The following ZFHX3 variants were observed in gnomAD, a reference collection of about 807,000 sequenced individuals.
ZFHX3 encodes zinc finger homeobox 3.
ZFHX3 carries 42 observed loss-of-function variants against 279.1 expected under a neutral mutation model. The observed-to-expected ratio is 0.15, with a 90% CI of 0.12 to 0.19. The LOEUF is 0.19. ZFHX3 is among the 10% of genes least tolerant of loss of function. ZFHX3 has a pLI of 1.00. For synonymous variants in ZFHX3, 2,293 were observed against 1,957.8 expected (o/e 1.17, Z -4.52); for missense variants, 4,981 against 4,754.0 (o/e 1.05, Z -1.40).
At chr16:72,829,564 T>C in intron 5 of ZFHX3, 1 of 517,306 alleles carries the variant, frequency 1.9e-6, no homozygotes, top group Non-Finnish European at 3.4e-6. Flanking sequence ...GCTTAACCAT[T>C]AAAAACTACA....
chr16:73,603,720 G>T (rs539718578), intron 2 of ZFHX3, among the ~76,000 whole-genome samples: 2 of 150,782 alleles, frequency 1.3e-5, no homozygotes, highest in Admixed American at 1.3e-4. Flanking sequence ...ATTATGAAAT[G>T]GAATATTTTG....
intron 5 of ZFHX3, among the ~76,000 whole-genome samples, chr16:73,147,691 C>CAAAAAAAAAA (rs56079754): frequency 9.8e-5 from 4 of 40,894 alleles, no homozygotes; most frequent in African/African-American, 4.4e-4. Flanking sequence ...GACTCCGTCT[C>CAAAAAAAAAA]AAAAAAAAAA....
At chr16:72,902,412 C>T (rs2144136818) in intron 3 of ZFHX3, among the ~76,000 whole-genome samples, 1 of 152,346 alleles carries the variant, frequency 6.6e-6, no homozygotes. Flanking sequence ...CAGCCCCCAG[C>T]TTGCGCCTGG....
Position 73,473,408 on chromosome 16 carries a change from G to A in ZFHX3, c.-1546-17150C>T, listed in dbSNP as rs145040234. ...AGCTATGTGAGCTGACTTGTGTATG[G>A]AATCATTCCATTTGAATGGGAGGGG... is the stretch of plus-strand genomic sequence containing the variant. On this transcript the variant is annotated intron_variant, in intron 2 of 17. Coordinates refer to the ZFHX3 transcript ENST00000641206. 2.8e-3 allele frequency among the ~76,000 whole-genome samples: 429 copies of A among 151,012 alleles called. 1 individual carries two copies. The highest frequency in any genetic ancestry group is 0.01 in the African/African-American group (409 of 40,898).
Position 72,800,115 on chromosome 16 carries a change from C to G in ZFHX3, c.3879G>C (p.Glu1293Asp), listed in dbSNP as rs369130025. The change falls in exon 8 of 10, where the codon GAG becomes GAC. Residue 1293 changes from glutamate to aspartate, a missense_variant. Transcript: ENST00000268489. ...GGAACATGCTGCTTGGCATCACCAT[C>G]TCAGGGGTGGTCACCTGAGGAGCAA... ...EKLIMTVTTP[E>D]MVMPSSMFLP... 3.1e-6 allele frequency: 5 copies of G among 1,614,028 alleles called. No individual in the cohort carries two copies. The African/African-American group carries it at 5.3e-5, about 17-fold the overall frequency.
chr16:73,148,281 C>T (rs1437032790), intron 5 of ZFHX3, among the ~76,000 whole-genome samples: 1 of 152,186 alleles, frequency 6.6e-6, no homozygotes, highest in Non-Finnish European at 1.5e-5. Flanking sequence ...AACACTCTTT[C>T]CTTTGTTTAA....
chr16:72,800,830 G>A (rs913304375), intron 7 of ZFHX3, among the ~76,000 whole-genome samples: 27 of 152,130 alleles, frequency 1.8e-4, no homozygotes, highest in African/African-American at 6.3e-4. Context: ...ACGTCCCAGC[G>A]ATAGAGGGTG....
intron 3 of ZFHX3, among the ~76,000 whole-genome samples, chr16:73,437,459 C>T (rs571110226): frequency 4.6e-5 from 7 of 152,046 alleles, no homozygotes; most frequent in Non-Finnish European, 5.9e-5. Context: ...GAAATTGAAG[C>T]GTATCCCTTC....
At chr16:73,306,763 C>T (rs1476881901) in intron 4 of ZFHX3, among the ~76,000 whole-genome samples, 1 of 152,214 alleles carries the variant, frequency 6.6e-6, no homozygotes, top group African/African-American at 2.4e-5. Context: ...GGCTGCTAGA[C>T]CCTCCCACAG....
chr16:73,191,288 G>T (rs551554688), intron 5 of ZFHX3, among the ~76,000 whole-genome samples: 1 of 152,068 alleles, frequency 6.6e-6, no homozygotes, highest in African/African-American at 2.4e-5. Flanking sequence ...TGTGTTGAAC[G>T]TTCCGTGGCT....
intron 1 of ZFHX3, among the ~76,000 whole-genome samples, chr16:73,758,815 G>C (rs774683094): frequency 6.6e-6 from 1 of 152,084 alleles, no homozygotes; most frequent in Non-Finnish European, 1.5e-5. Flanking sequence ...TCTCCCCCTC[G>C]CACTTTGAGT....
At chr16:73,039,469 G>A (rs955187707) in intron 1 of ZFHX3, among the ~76,000 whole-genome samples, 7 of 152,170 alleles carry the variant, frequency 4.6e-5, no homozygotes, top group African/African-American at 7.2e-5. Context: ...AACTGGAGGC[G>A]ATTTTGCCTC....
rs2035920433 is a variant in ZFHX3 at position 72,796,678 on chromosome 16, G to C, written c.6004C>G (p.Gln2002Glu). Residue 2002 changes from glutamine to glutamate, a missense_variant, in exon 9 of 10, where the codon CAA (glutamine) becomes GAA (glutamate). By Grantham distance (29) the Gln-to-Glu change is conservative. This residue lies in a region of ZFHX3 where 1,751 missense variants were observed against 1,770.0 expected (regional missense o/e 0.99). Coordinates refer to ENST00000268489, the MANE Select transcript of ZFHX3 (RefSeq NM_006885.4). Reference protein sequence around the residue: ...FSNILILKSHQEHVHQNYFPF... With the variant: ...FSNILILKSHEEHVHQNYFPF... ...AAGTAATTCTGATGAACGTGCTCTT[G>C]ATGACTCTTTAAAATCAAGATGTTG... 1 of 1,613,928 alleles carries C rather than the reference G, an allele frequency of 6.2e-7. No homozygotes were observed. Among genetic ancestry groups the C allele is most frequent in the African/African-American group, 1.3e-5 (1 of 74,870 alleles).
chr16:73,682,890 GAAAGAAAGAAAGAA>G lies in ZFHX3; in HGVS notation c.-1607-2664_-1607-2651del, dbSNP rs1567550512. 1.6e-3 allele frequency among the ~76,000 whole-genome samples: 73 copies of G among 46,126 alleles called. 4 individuals are homozygous for G. The highest frequency in any genetic ancestry group is 1.9e-3 in the Non-Finnish European group (45 of 24,110). The allele number at this position is 46,126 out of a possible 152,430, so 30.3% of individuals were successfully genotyped here. On this transcript the variant is annotated intron_variant, in intron 1 of 17. Transcript: ENST00000641206. Reference sequence around the variant, plus strand: ...AGAAAGAAAGAAAGAAAGAAAGAAAGAAAGAAAGAAAGAAAGAGAAAGAAAGAGAGAAAGAGAAA... The same window carrying G: ...AGAAAGAAAGAAAGAAAGAAAGAAAGAGAGAAAGAAAGAGAGAAAGAGAAA...
At chr16:72,871,737 A>G (rs1350640363) in intron 4 of ZFHX3, among the ~76,000 whole-genome samples, 1 of 151,388 alleles carries the variant, frequency 6.6e-6, no homozygotes, top group Non-Finnish European at 1.5e-5. Flanking sequence ...TCAGCCTCCC[A>G]AAGTGCTAGG....
intron 2 of ZFHX3, among the ~76,000 whole-genome samples, chr16:73,489,342 T>C (rs544665143): frequency 6.6e-6 from 1 of 152,332 alleles, no homozygotes; most frequent in African/African-American, 2.4e-5. Context: ...ATTTAAGAAC[T>C]GAACGTTCAT....
chr16:73,467,010 G>A (rs1219138646), intron 2 of ZFHX3, among the ~76,000 whole-genome samples: 1 of 152,184 alleles, frequency 6.6e-6, no homozygotes, highest in African/African-American at 2.4e-5. Context: ...TGTCTGGCCA[G>A]CTGCCCTAAG....
intron 4 of ZFHX3, among the ~76,000 whole-genome samples, chr16:73,315,971 G>A (rs890708237): frequency 4.6e-5 from 7 of 152,172 alleles, no homozygotes; most frequent in African/African-American, 1.7e-4. Flanking sequence ...CAGCCTCCTC[G>A]TCCTGCCTGG....
At chr16:73,068,100 C>G (rs190367792) in intron 8 of ZFHX3, among the ~76,000 whole-genome samples, 56 of 152,274 alleles carry the variant, frequency 3.7e-4, no homozygotes, top group African/African-American at 1.3e-3. Context: ...ATTCAGTTCT[C>G]CCAGCAACCC....
Sources: gnomAD v4.1 joint callset for allele counts (sites outside exome capture counted in the v4.1 genomes callset) on GRCh38, gnomAD v4.1.1 for gene constraint, gnomAD v4.1.1 regional missense constraint, MANE v1.5 for transcripts, NCBI Gene and HGNC (gene_info 2026-07-23, HGNC 2026-07-21) for gene names.